ELK3: variants seen among roughly 807,000 people sequenced by gnomAD.
The protein encoded by ELK3 is ETS transcription factor ELK3.
In ELK3, 10 loss-of-function variants were observed where a neutral mutation model predicts 28.9. That is an observed-to-expected ratio of 0.35 (90% CI 0.21 to 0.59). The LOEUF is 0.59. ELK3 is among the 20% of genes least tolerant of loss of function. The probability of loss-of-function intolerance (pLI) is 0.82; values close to 1 mark genes in which losing one functional copy is unlikely to be tolerated. For missense variants in ELK3, 463 were observed against 517.3 expected (o/e 0.90, Z 1.02); for synonymous variants, 272 against 243.5 (o/e 1.12, Z -1.09).
At chr12:96,238,629 A>T (rs1036604830) in intron 2 of ELK3, among the ~76,000 whole-genome samples, 1 of 152,188 alleles carries the variant, frequency 6.6e-6, no homozygotes, top group African/African-American at 2.4e-5. Context: ...GCTCATGTCC[A>T]GTCTGCTGCA....
intron 1 of ELK3, among the ~76,000 whole-genome samples, chr12:96,207,841 C>T (rs972595602): frequency 6.6e-6 from 1 of 152,096 alleles, no homozygotes; most frequent in African/African-American, 2.4e-5. Context: ...TGCAATTAAC[C>T]CTTTGTATAA....
intron 3 of ELK3, among the ~76,000 whole-genome samples, chr12:96,251,843 A>G (rs1951909534): frequency 6.6e-6 from 1 of 152,244 alleles, no homozygotes; most frequent in Non-Finnish European, 1.5e-5. Flanking sequence ...CCATCTCCAT[A>G]ACATAAAAGT....
intron 2 of ELK3, 64 bp from the exon 3 acceptor site, chr12:96,246,876 C>T: frequency 6.7e-7 from 1 of 1,484,610 alleles, no homozygotes; most frequent in South Asian, 1.3e-5. Context: ...TTACCATTAT[C>T]ATGAGCTCTT....
At chr12:96,265,883 T>G (rs993224031) in intron 4 of ELK3, among the ~76,000 whole-genome samples, 12 of 152,252 alleles carry the variant, frequency 7.9e-5, no homozygotes, top group African/African-American at 2.9e-4. Context: ...AACAAAAACC[T>G]TGAATATGCC....
chr12:96,215,932 C>T (rs1951613732), intron 1 of ELK3, among the ~76,000 whole-genome samples: 1 of 152,204 alleles, frequency 6.6e-6, no homozygotes, highest in South Asian at 2.1e-4. Flanking sequence ...TCACGCCTAG[C>T]CTCAAAACTG....
chr12:96,219,695 T>G (rs1951648801), intron 1 of ELK3, among the ~76,000 whole-genome samples: 2 of 152,188 alleles, frequency 1.3e-5, no homozygotes, highest in Admixed American at 6.5e-5. Flanking sequence ...CAGAGCTGCC[T>G]GGGGGCTCCA....
chr12:96,256,817 AGAG>A (rs1428172209), intron 3 of ELK3, among the ~76,000 whole-genome samples: 8 of 152,164 alleles, frequency 5.3e-5, no homozygotes, highest in Admixed American at 2.0e-4. Flanking sequence ...GAGGAAGGCA[AGAG>A]GAGGAGGCAG....
intron 1 of ELK3, among the ~76,000 whole-genome samples, chr12:96,221,367 G>A (rs745586623): frequency 2.0e-5 from 3 of 152,168 alleles, no homozygotes; most frequent in African/African-American, 4.8e-5. Context: ...TGTCCCATTC[G>A]GAACGTGATG....
At chr12:96,201,176 A>C (rs1951505329) in intron 1 of ELK3, among the ~76,000 whole-genome samples, 1 of 152,224 alleles carries the variant, frequency 6.6e-6, no homozygotes, top group Admixed American at 6.5e-5. Context: ...GAAAAAGAAA[A>C]ATCCTTTCTG....
At chr12:96,202,133 C>A (rs1951511384) in intron 1 of ELK3, among the ~76,000 whole-genome samples, 1 of 152,198 alleles carries the variant, frequency 6.6e-6, no homozygotes, top group African/African-American at 2.4e-5. Flanking sequence ...CTGATCCCTT[C>A]TCTCCCCAGG....
intron 4 of ELK3, among the ~76,000 whole-genome samples, chr12:96,265,422 A>T (rs1952022372): frequency 6.6e-6 from 1 of 152,234 alleles, no homozygotes; most frequent in African/African-American, 2.4e-5. Context: ...ACAGTGGCTG[A>T]CATCTGCAAT....
In ELK3 at chr12:96,247,793, A is replaced by G; in HGVS notation, c.1002+59A>G. On this transcript the variant is annotated intron_variant, in intron 3 of 4. Coordinates refer to ENST00000228741, the MANE Select transcript of ELK3 (RefSeq NM_005230.4). The surrounding 1 kb of genome is among the most constrained non-coding windows in gnomAD (Gnocchi z 5.5). ...AGCTTCAGTGGCTTAGCAAAAAAGG[A>G]AGAGCAACTAAAGAGACTTCCTTCT... 6.9e-7 allele frequency: 1 copy of G among 1,446,868 alleles called. No individual in the cohort carries two copies. The allele number at this position is 1,446,868 out of a possible 1,614,324, so 89.6% of individuals were successfully genotyped here. A position where few individuals can be genotyped will look rare whatever the true frequency, so the allele number is the denominator to read the frequency against.
intron 1 of ELK3, among the ~76,000 whole-genome samples, chr12:96,220,233 CTT>C (rs1433919524): frequency 6.6e-6 from 1 of 152,068 alleles, no homozygotes; most frequent in Non-Finnish European, 1.5e-5. Flanking sequence ...TTCACCTGTC[CTT>C]TTTGTCCTTT....
chr12:96,198,315 G>T (rs1321631540), intron 1 of ELK3, among the ~76,000 whole-genome samples: 2 of 152,162 alleles, frequency 1.3e-5, no homozygotes, highest in Admixed American at 6.5e-5. Flanking sequence ...TCCCACCTCA[G>T]CCTCCGCAGT....
rs751599496 is a variant in ELK3 at position 96,247,675 on chromosome 12, G to A, written c.943G>A (p.Ala315Thr). Residue 315 changes from alanine (A) to threonine (T), a missense_variant, in exon 3 of 5, where the codon GCC (alanine) becomes ACC (threonine). Physicochemically the swap from Ala to Thr is moderately conservative, Grantham distance 58. Around this residue, in one of 2 missense-constraint regions of ELK3, gnomAD observed 408 missense variants for 414.8 expected, o/e 0.98. Transcript: ENST00000228741. This position sits in a 1 kb window ranked among gnomAD's most constrained non-coding sequence, Gnocchi z 5.5. ...CTCCGGCACCGACATCGGCTCCATC[G>A]CCCTCAACAGCCCAGCCCTCCCCTC... Reference protein sequence around the residue: ...VLSGTDIGSIALNSPALPSGS... With the variant: ...VLSGTDIGSITLNSPALPSGS... 9 of 1,610,964 alleles carry A rather than the reference G, an allele frequency of 5.6e-6. No homozygotes were observed. Among genetic ancestry groups the A allele is most frequent in the South Asian group, 3.3e-5 (3 of 90,906 alleles).
intron 2 of ELK3, among the ~76,000 whole-genome samples, chr12:96,236,558 GA>G (rs1375127950): frequency 2.0e-5 from 3 of 152,198 alleles, no homozygotes; most frequent in Non-Finnish European, 4.4e-5. Flanking sequence ...GTCATTCTTA[GA>G]AGTCTGGAAT....
At chr12:96,230,181 T>C (rs1951730693) in intron 2 of ELK3, among the ~76,000 whole-genome samples, 1 of 152,214 alleles carries the variant, frequency 6.6e-6, no homozygotes, top group Non-Finnish European at 1.5e-5. Context: ...CATACAGTAT[T>C]CAGTACAGTA....
In ELK3 at chr12:96,259,803, G is replaced by T. The variant is rs749729899; in HGVS notation, c.1075G>T (p.Val359Phe). The change falls in exon 4 of 5, where the codon GTT (valine) becomes TTT (phenylalanine). Residue 359 changes from valine to phenylalanine, a missense_variant. Val to Phe is a conservative substitution (Grantham distance 50). Coordinates refer to ENST00000228741, the MANE Select transcript of ELK3 (RefSeq NM_005230.4). The part of the protein sequence containing the change: ...SIHFWSSLSP[V>F]APLSPARLQG... The stretch of plus-strand genomic sequence containing the variant: ...ACATTTCTGGAGCAGCCTTAGTCCA[G>T]TTGCTCCGCTGAGTCCTGCCAGGCT... The T allele has an allele frequency of 1.2e-6, 2 of 1,610,194 alleles. No individual in the cohort carries two copies. The highest frequency in any genetic ancestry group is 1.3e-5 in the African/African-American group (1 of 74,896).
intron 2 of ELK3, among the ~76,000 whole-genome samples, chr12:96,232,298 C>T (rs545646592): frequency 1.1e-4 from 16 of 152,198 alleles, no homozygotes; most frequent in Admixed American, 7.2e-4. Flanking sequence ...TGGCTGGGTG[C>T]GGTGGCTCAC....
Sources: gnomAD v4.1 joint callset for allele counts (sites outside exome capture counted in the v4.1 genomes callset) on GRCh38, gnomAD v4.1.1 for gene constraint, gnomAD v4.1.1 regional missense constraint, Gnocchi (gnomAD v3.1) non-coding constraint, MANE v1.5 for transcripts, NCBI Gene and HGNC (gene_info 2026-07-23, HGNC 2026-07-21) for gene names.